The following CLCN5 variants were observed in gnomAD, a reference collection of about 807,000 sequenced individuals.
The protein encoded by CLCN5 is H(+)/Cl(-) exchange transporter 5.
In CLCN5, 17 loss-of-function variants were observed where a neutral mutation model predicts 54.0. That is an observed-to-expected ratio of 0.31 (90% CI 0.22 to 0.47). The LOEUF is 0.47. Ranked by LOEUF, CLCN5 falls within the 20% of genes least tolerant of loss-of-function variation. The probability of loss-of-function intolerance (pLI) is 1.00; values close to 1 mark genes in which losing one functional copy is unlikely to be tolerated. For synonymous variants in CLCN5, 222 were observed against 233.0 expected (o/e 0.95, Z 0.43); for missense variants, 448 against 646.7 (o/e 0.69, Z 3.33).
intron 4 of CLCN5, among the ~76,000 whole-genome samples, chrX:50,060,569 G>T (rs1479597232): frequency 9.2e-6 from 1 of 109,026 alleles, no homozygotes; most frequent in Non-Finnish European, 1.9e-5. Flanking sequence ...AGGCGGCAGC[G>T]AGGCTGGGGG....
chrX:50,069,867 T>TG lies in CLCN5; in HGVS notation c.164-11dup. On this transcript the variant is annotated splice_polypyrimidine_tract_variant and intron_variant, in intron 4 of 14. Transcript: ENST00000376091. ...TTCTGAAGTACTAATGTCTATTTCT[T>TG]GTTCAATACAGAGGACAAGTCGTAC... 1 of 1,191,833 alleles carries TG rather than the reference T, an allele frequency of 8.4e-7. No individual in the cohort carries two copies. Among genetic ancestry groups the TG allele is most frequent in the East Asian group, 3.0e-5 (1 of 33,569 alleles).
chrX:50,034,968 A>G (rs1931920334), intron 3 of CLCN5, among the ~76,000 whole-genome samples: 2 of 110,541 alleles, frequency 1.8e-5, no homozygotes, highest in Non-Finnish European at 3.8e-5. Context: ...CTCCTCAAAA[A>G]CCTCAGTGAC....
At chrX:50,008,010 G>T (rs1173870236) in intron 3 of CLCN5, among the ~76,000 whole-genome samples, 3 of 111,918 alleles carry the variant, frequency 2.7e-5, no homozygotes, top group African/African-American at 9.8e-5. Context: ...TATCACCTGA[G>T]AACTTGTTAG....
intron 3 of CLCN5, among the ~76,000 whole-genome samples, chrX:49,956,943 C>T (rs781956570): frequency 9.0e-6 from 1 of 111,611 alleles, no homozygotes; most frequent in Admixed American, 9.5e-5. Flanking sequence ...CCTGTATAGG[C>T]AATTGAGCTA....
chrX:50,009,870 G>C (rs1415286511), intron 3 of CLCN5: 4 of 361,577 alleles, frequency 1.1e-5, no homozygotes, highest in Non-Finnish European at 2.2e-5. Context: ...TTGCCTGCCT[G>C]CTCTCTGACC....
chrX:50,056,445 G>A (rs1602094360), intron 4 of CLCN5, among the ~76,000 whole-genome samples: 2 of 111,626 alleles, frequency 1.8e-5, no homozygotes, highest in East Asian at 5.6e-4. Flanking sequence ...AAGTAAGGGA[G>A]TGGGGCGCTG....
intron 11 of CLCN5, 127 bp downstream of exon 11, chrX:50,086,997 AC>A (rs1933913535): frequency 1.6e-6 from 1 of 619,872 alleles, no homozygotes. Context: ...TTATTCCCCC[AC>A]CCCCAAAGCC....
intron 4 of CLCN5, among the ~76,000 whole-genome samples, chrX:50,045,039 T>A (rs1409200913): frequency 9.0e-6 from 1 of 110,809 alleles, no homozygotes; most frequent in African/African-American, 3.3e-5. Flanking sequence ...TCATGATAAG[T>A]ACTAGGATGG....
intron 3 of CLCN5, among the ~76,000 whole-genome samples, chrX:49,941,365 A>G (rs1258899934): frequency 9.0e-6 from 1 of 111,201 alleles, no homozygotes; most frequent in Non-Finnish European, 1.9e-5. Context: ...AGCTATTATT[A>G]TTGGTTCTTT....
intron 3 of CLCN5, among the ~76,000 whole-genome samples, chrX:49,971,897 C>T (rs1557176261): frequency 9.0e-6 from 1 of 111,613 alleles, no homozygotes. Flanking sequence ...TGTTGCTTTA[C>T]GAGGGAGAGA....
chrX:49,991,928 G>C (rs782731777), intron 3 of CLCN5, among the ~76,000 whole-genome samples: 1 of 111,930 alleles, frequency 8.9e-6, no homozygotes. Flanking sequence ...ATGTGCAGAG[G>C]TGCTGCTCAG....
chrX:49,994,641 A>C (rs2147364194), intron 3 of CLCN5, among the ~76,000 whole-genome samples: 1 of 111,876 alleles, frequency 8.9e-6, no homozygotes, highest in South Asian at 3.8e-4. Context: ...AATAGTACAG[A>C]ATTTGATACA....
chrX:50,009,226 C>T (rs782452229), intron 3 of CLCN5, among the ~76,000 whole-genome samples: 7 of 111,806 alleles, frequency 6.3e-5, no homozygotes, highest in African/African-American at 1.6e-4. Flanking sequence ...AAGCTTACAC[C>T]TCTTTGAGAG....
intron 3 of CLCN5, among the ~76,000 whole-genome samples, chrX:50,023,523 G>T (rs1931222816): frequency 3.9e-5 from 1 of 25,402 alleles, no homozygotes; most frequent in Admixed American, 5.2e-4. Flanking sequence ...CTGTCATTAT[G>T]ATGTTAGTTG....
intron 11 of CLCN5, 139 bp downstream of exon 11, chrX:50,087,009 T>A: frequency 1.7e-6 from 1 of 571,462 alleles, no homozygotes; most frequent in Non-Finnish European, 2.9e-6. Flanking sequence ...CCCCAAAGCC[T>A]CTTTTACCCC....
intron 4 of CLCN5, among the ~76,000 whole-genome samples, chrX:50,063,063 T>G (rs1229595564): frequency 9.2e-6 from 1 of 109,211 alleles, no homozygotes; most frequent in Non-Finnish European, 1.9e-5. Flanking sequence ...GCAGGAAAGA[T>G]CTAAAATTGA....
intron 4 of CLCN5, among the ~76,000 whole-genome samples, chrX:50,060,457 A>G (rs782474896): frequency 2.9e-4 from 31 of 107,731 alleles, no homozygotes; most frequent in Non-Finnish European, 3.7e-4. Context: ...ACCGGCTTAA[A>G]AAACGGCGCA....
At chrX:50,081,889 C>A in intron 9 of CLCN5, 42 bp downstream of exon 9, 2 of 1,095,348 alleles carry the variant, frequency 1.8e-6, no homozygotes, top group Non-Finnish European at 2.5e-6. Flanking sequence ...TGGTTGTGAG[C>A]ATAAATGATA....
At chrX:50,033,173 T>C (rs1256066082) in intron 3 of CLCN5, among the ~76,000 whole-genome samples, 1 of 111,100 alleles carries the variant, frequency 9.0e-6, no homozygotes, top group Admixed American at 9.7e-5. Context: ...GCCAGGGCAG[T>C]TAGGCAGGAG....
Sources: allele counts gnomAD v4.1 joint callset (sites outside exome capture counted in the v4.1 genomes callset), GRCh38; gene constraint gnomAD v4.1.1; transcripts MANE v1.5; gene names NCBI Gene and HGNC (gene_info 2026-07-23, HGNC 2026-07-21).